DDX60: variants seen among roughly 807,000 people sequenced by gnomAD.
The protein encoded by DDX60 is probable ATP-dependent RNA helicase DDX60.
In DDX60, 165 loss-of-function variants were observed where a neutral mutation model predicts 212.8. The observed-to-expected ratio is 0.78, with a 90% CI of 0.68 to 0.88. The LOEUF (loss-of-function observed/expected upper bound fraction) is 0.88. DDX60 is among the 40% of genes least tolerant of loss of function. The pLI is 0.00. For synonymous variants in DDX60, 703 were observed against 685.3 expected (o/e 1.03, Z -0.40); for missense variants, 1,905 against 2,003.9 (o/e 0.95, Z 0.94).
chr4:168,321,126 A>G (rs769571558), upstream of DDX60, among the ~76,000 whole-genome samples: 6 of 152,166 alleles, frequency 3.9e-5, no homozygotes, highest in Non-Finnish European at 7.3e-5. Context: ...GTAAACACAC[A>G]GAAACTTTTT....
At chr4:168,288,494 A>G (rs1487701190) in intron 8 of DDX60, among the ~76,000 whole-genome samples, 179 bp from the exon 9 acceptor site, 1 of 152,230 alleles carries the variant, frequency 6.6e-6, no homozygotes, top group African/African-American at 2.4e-5. Flanking sequence ...AAAGCATAAA[A>G]TAAAATAAAA....
chr4:168,280,284 C>T, intron 14 of DDX60, 51 bp downstream of exon 14: 2 of 1,555,232 alleles, frequency 1.3e-6, no homozygotes, highest in Admixed American at 2.0e-5. Flanking sequence ...ATCATCATTA[C>T]ATTTGTATTA....
intron 35 of DDX60, among the ~76,000 whole-genome samples, chr4:168,222,591 C>T (rs1733101184): frequency 6.6e-6 from 1 of 152,016 alleles, no homozygotes; most frequent in South Asian, 2.1e-4. Context: ...AATATCTAAA[C>T]AAGACTCTAT....
At chr4:168,276,860 T>G (rs777423526) in intron 14 of DDX60, among the ~76,000 whole-genome samples, 7 of 152,248 alleles carry the variant, frequency 4.6e-5, no homozygotes, top group Admixed American at 2.6e-4. Flanking sequence ...CTGATTGTTA[T>G]GCACTGTTTT....
intron 13 of DDX60, among the ~76,000 whole-genome samples, chr4:168,282,293 T>A (rs778754180): frequency 2.0e-5 from 3 of 152,150 alleles, no homozygotes; most frequent in Non-Finnish European, 4.4e-5. Context: ...TTTGAAGTTA[T>A]CCTGAGTAGA....
At chr4:168,251,621 C>T (rs951385595) in intron 27 of DDX60, among the ~76,000 whole-genome samples, 17 of 152,018 alleles carry the variant, frequency 1.1e-4, no homozygotes, top group Non-Finnish European at 1.8e-4. Flanking sequence ...GAAGGAAGAG[C>T]GACAAAAAAA....
intron 13 of DDX60, among the ~76,000 whole-genome samples, chr4:168,281,551 G>GAGGAACAACACAAATACA (rs1735593963): frequency 6.6e-6 from 1 of 152,194 alleles, no homozygotes; most frequent in Admixed American, 6.5e-5. Context: ...GAGTAGATAA[G>GAGGAACAACACAAATACA]AGGAACAACA....
rs1215318904 is a variant in DDX60, at chr4:168,216,896, T to C, written c.*37A>G. ...AAAAACGTGACCTGAAAAACTACTA[T>C]GGAATTATTTTTAAGTGGTTTGCAT... On this transcript the variant is annotated 3_prime_UTR_variant, in exon 38 of 38. Coordinates refer to ENST00000393743, the MANE Select transcript of DDX60 (RefSeq NM_017631.6). The C allele has an allele frequency of 2.3e-6, 3 of 1,327,246 alleles. No homozygotes were observed. The highest frequency in any genetic ancestry group is 1.5e-5 in the African/African-American group (1 of 65,784). 82.2% of individuals were successfully genotyped at this position (1,327,246 alleles called of 1,614,324 possible).
intron 33 of DDX60, among the ~76,000 whole-genome samples, chr4:168,228,717 T>A (rs1047733284): frequency 6.6e-6 from 1 of 152,134 alleles, no homozygotes; most frequent in African/African-American, 2.4e-5. Context: ...TGTATTCCTT[T>A]ATATGTAATC....
intron 7 of DDX60, 143 bp from the exon 8 acceptor site, chr4:168,292,049 C>CTTTCTTTCCTT (rs58664687): frequency 7.8e-4 from 237 of 303,554 alleles, no homozygotes; most frequent in African/African-American, 4.3e-3. Context: ...TTCTTTCTTT[C>CTTTCTTTCCTT]TTTTTTTTTT....
intron 28 of DDX60, among the ~76,000 whole-genome samples, chr4:168,248,936 T>C (rs866015286): frequency 6.6e-6 from 1 of 152,130 alleles, no homozygotes; most frequent in African/African-American, 2.4e-5. Flanking sequence ...ATTTTTGTAT[T>C]TTTAGTAGAG....
intron 30 of DDX60, among the ~76,000 whole-genome samples, chr4:168,239,469 G>A (rs1383202299): frequency 6.6e-6 from 1 of 152,088 alleles, no homozygotes; most frequent in Non-Finnish European, 1.5e-5. Flanking sequence ...ATAGATCAAT[G>A]TAGATAGATA....
At chr4:168,280,740 A>G in intron 13 of DDX60, 150 bp from the exon 14 acceptor site, 2 of 833,232 alleles carry the variant, frequency 2.4e-6, no homozygotes, top group Non-Finnish European at 3.5e-6. Context: ...TTCTTTTGGA[A>G]ATTAAGCCTC....
Position 168,226,031 on chromosome 4 carries a change from A to G in DDX60, c.4534-355T>C, listed in dbSNP as rs192821878. Among the ~76,000 whole-genome samples, 14 of 152,168 alleles carry G rather than the reference A, an allele frequency of 9.2e-5. No individual in the cohort carries two copies. The East Asian group carries it at 2.5e-3, about 27-fold the overall frequency. Reference sequence around the variant, plus strand: ...AATAGCAAGCAATGAGACAAAGTACATTTGCATGCCTAGAGTAAATCTCGT... The same window carrying G: ...AATAGCAAGCAATGAGACAAAGTACGTTTGCATGCCTAGAGTAAATCTCGT... On this transcript the variant is annotated intron_variant, in intron 33 of 37. Transcript: ENST00000393743.
At chr4:168,225,471 C>A (rs1477483750) in intron 34 of DDX60, 58 bp downstream of exon 34, 10 of 1,492,158 alleles carry the variant, frequency 6.7e-6, no homozygotes, top group Non-Finnish European at 9.1e-6. Context: ...ATAAACTATT[C>A]TTAGGCAAGA....
chr4:168,275,353 T>G lies in DDX60; in HGVS notation c.2296A>C (p.Thr766Pro). 6.2e-7 allele frequency: 1 copy of G among 1,605,242 alleles called. No homozygotes were observed. The highest frequency in any genetic ancestry group is 8.5e-7 in the Non-Finnish European group (1 of 1,176,462). ...TTCATTTGCAGTATTACCTGCCATG[T>G]GTCGGGAATAAAATCCTGGACCCTG... is the stretch of plus-strand genomic sequence containing the variant. ...DPRVQDFIPD[T>P]WQRELLDVVD... is the part of the protein sequence containing the mutation. The change falls in exon 16 of 38, where the codon ACA becomes CCA. Residue 766 changes from threonine to proline, a missense_variant. Thr to Pro is a conservative substitution (Grantham distance 38, BLOSUM62 -1). Transcript: ENST00000393743.
At chr4:168,253,349 T>G (rs551859802) in intron 26 of DDX60, among the ~76,000 whole-genome samples, 1 of 152,290 alleles carries the variant, frequency 6.6e-6, no homozygotes, top group Non-Finnish European at 1.5e-5. Flanking sequence ...GTAGGCATTC[T>G]CCTTGCTCCA....
At position 168,216,645 on chromosome 4, in the gene DDX60, C is replaced by T. The variant is rs992478656; in HGVS notation, c.*288G>A. 1.9e-5 allele frequency: 4 copies of T among 216,130 alleles called. No homozygotes were observed. The highest frequency in any genetic ancestry group is 4.6e-5 in the African/African-American group (2 of 43,726). The allele number at this position is 216,130 out of a possible 1,614,324, so 13.4% of individuals were successfully genotyped here. ...GTTATTCAGTCACATACAACATTCT[C>T]GCATTTTTTTAGTCAATCCTCAAAC... is the stretch of plus-strand genomic sequence containing the variant. On this transcript the variant is annotated 3_prime_UTR_variant, in exon 38 of 38. Transcript: ENST00000393743.
intron 15 of DDX60, among the ~76,000 whole-genome samples, 171 bp downstream of exon 15, chr4:168,275,844 C>G (rs1469168444): frequency 6.7e-6 from 1 of 150,328 alleles, no homozygotes; most frequent in African/African-American, 2.5e-5. Flanking sequence ...AGCATTTGTA[C>G]AAATTTTCTC....
Sources: gnomAD v4.1 joint callset for allele counts (sites outside exome capture counted in the v4.1 genomes callset) on GRCh38, gnomAD v4.1.1 for gene constraint, MANE v1.5 for transcripts, NCBI Gene and HGNC (gene_info 2026-07-23, HGNC 2026-07-21) for gene names.